Variants in NAV1 observed in about 807,000 individuals in gnomAD.
NAV1 encodes the protein neuron navigator 1, also known as pore membrane and/or filament interacting like protein 3.
Under a neutral mutation model 175.2 loss-of-function variants are expected in NAV1, and 18 were observed. The observed-to-expected ratio is 0.10, with a 90% CI of 0.07 to 0.15. NAV1 has a LOEUF of 0.15. Ranked by LOEUF, NAV1 falls within the 10% of genes least tolerant of loss-of-function variation. NAV1 has a pLI of 1.00. For synonymous variants in NAV1, 897 were observed against 978.7 expected (o/e 0.92, Z 1.56); for missense variants, 1,731 against 2,436.6 (o/e 0.71, Z 6.10).
intron 1 of NAV1, among the ~76,000 whole-genome samples, chr1:201,549,680 ACAGCCTGCC>A (rs1193036817): frequency 1.3e-5 from 2 of 149,432 alleles, no homozygotes; most frequent in South Asian, 2.2e-4. Flanking sequence ...TGGGCAGGTT[ACAGCCTGCC>A]CAGCAACCAC....
chr1:201,733,778 T>A (rs1672968380), intron 3 of NAV1, among the ~76,000 whole-genome samples: 1 of 152,128 alleles, frequency 6.6e-6, no homozygotes, highest in South Asian at 2.1e-4. Context: ...TTCAAGGAAC[T>A]GCAGGGAGGT....
At chr1:201,603,852 C>T (rs913218801) in intron 2 of NAV1, among the ~76,000 whole-genome samples, 25 of 152,184 alleles carry the variant, frequency 1.6e-4, no homozygotes, top group Admixed American at 1.6e-3. Context: ...GCATCGGGAA[C>T]AAGGTTCTTT....
At position 201,631,296 on chromosome 1, in the gene NAV1, C is replaced by G. The variant is rs2077133; in HGVS notation, c.4+1789C>G. 8.7e-4 allele frequency among the ~76,000 whole-genome samples: 132 copies of G among 152,272 alleles called. No individual in the cohort carries two copies. In the East Asian group the frequency reaches 0.023, roughly 26 times the overall value. The stretch of plus-strand genomic sequence containing the variant: ...CGGATTTGCCTGCCTTGTGGAAGAG[C>G]CTGCGCTCTTCTGAGCTTGAAGAAA... On this transcript the variant is annotated intron_variant, in intron 2 of 29. Coordinates refer to the NAV1 transcript ENST00000367302.
intron 1 of NAV1, among the ~76,000 whole-genome samples, chr1:201,659,531 G>T (rs181844924): frequency 2.4e-4 from 36 of 152,208 alleles, no homozygotes; most frequent in African/African-American, 8.7e-4. Flanking sequence ...TAGGTGGGAG[G>T]ATCACTTGAG....
intron 3 of NAV1, among the ~76,000 whole-genome samples, chr1:201,727,123 G>T (rs915227499): frequency 2.0e-5 from 3 of 152,100 alleles, no homozygotes; most frequent in Non-Finnish European, 2.9e-5. Flanking sequence ...ATACTCTTAC[G>T]TTAGATATCA....
chr1:201,727,880 T>C (rs1350235331), intron 3 of NAV1, among the ~76,000 whole-genome samples: 1 of 152,170 alleles, frequency 6.6e-6, no homozygotes, highest in African/African-American at 2.4e-5. Flanking sequence ...CTAGAGGGCA[T>C]TGGGTCTGCG....
chr1:201,660,110 C>G (rs897076898), intron 1 of NAV1, among the ~76,000 whole-genome samples: 1 of 152,152 alleles, frequency 6.6e-6, no homozygotes, highest in African/African-American at 2.4e-5. Flanking sequence ...GGAGCATTTA[C>G]AGCATGGCCT....
intron 1 of NAV1, among the ~76,000 whole-genome samples, chr1:201,557,902 G>C (rs540906036): frequency 2.0e-5 from 3 of 152,148 alleles, no homozygotes; most frequent in Non-Finnish European, 4.4e-5. Flanking sequence ...GTGCTGGGCG[G>C]TGACTGAGCT....
chr1:201,611,642 C>A (rs746275468), intron 2 of NAV1, among the ~76,000 whole-genome samples: 2 of 152,154 alleles, frequency 1.3e-5, no homozygotes, highest in African/African-American at 2.4e-5. Context: ...ATACCCTCAC[C>A]CTTAGCTCCA....
intron 1 of NAV1, among the ~76,000 whole-genome samples, chr1:201,568,792 G>A (rs1006378722): frequency 2.0e-5 from 3 of 152,142 alleles, no homozygotes; most frequent in Admixed American, 6.5e-5. Context: ...AGGGTCTCTC[G>A]GTCTTCAGGC....
chr1:201,810,189 C>T lies in NAV1; in HGVS notation c.4561+84C>T. ...AAATAATCCATCATGCATTCATTCACCAAGAACTCACTGAGAAGGTATAAT... is the reference window on the plus strand; with the variant it reads ...AAATAATCCATCATGCATTCATTCATCAAGAACTCACTGAGAAGGTATAAT... On this transcript the variant is annotated intron_variant, in intron 23 of 29. Coordinates refer to ENST00000367296, the Ensembl canonical transcript of NAV1. The surrounding 1 kb of genome is among the most constrained non-coding windows in gnomAD (Gnocchi z 6.0). 1 of 1,523,756 alleles carries T rather than the reference C, an allele frequency of 6.6e-7. No homozygotes were observed. 94.4% of individuals were successfully genotyped at this position (1,523,756 alleles called of 1,614,324 possible).
At position 201,808,879 on chromosome 1, in the gene NAV1, T is replaced by G; in HGVS notation, c.4207+8T>G. On this transcript the variant is annotated splice_region_variant and intron_variant, in intron 20 of 29. Coordinates refer to ENST00000367296, the Ensembl canonical transcript of NAV1. The surrounding 1 kb of genome is among the most constrained non-coding windows in gnomAD (Gnocchi z 5.5). ...CCAGTCTTGCAGACACAGGTACCTG[T>G]GTGGGAGAAGAATCTATAAGGGTGA... The G allele has an allele frequency of 6.2e-7, 1 of 1,608,102 alleles. No individual in the cohort carries two copies. Among genetic ancestry groups the G allele is most frequent in the Non-Finnish European group, 8.5e-7 (1 of 1,176,568 alleles).
intron 2 of NAV1, among the ~76,000 whole-genome samples, chr1:201,630,901 CCTAACCCAGCGCTCGTTCACG>C (rs1156482200): frequency 3.3e-5 from 5 of 152,222 alleles, no homozygotes; most frequent in Non-Finnish European, 7.3e-5. Flanking sequence ...TCTCCATGCA[CCTAACCCAGCGCTCGTTCACG>C]ATTATTATCC....
exon 5 of NAV1, chr1:201,781,074 A>G: frequency 1.2e-6 from 2 of 1,614,224 alleles, no homozygotes; most frequent in Non-Finnish European, 1.7e-6. Flanking sequence ...TTAGTGAATC[A>G]GAGGAGAAAG....
At position 201,649,044 on chromosome 1, in the gene NAV1, G is replaced by A. The variant is rs750081985; in HGVS notation, c.376G>A (p.Gly126Arg). Residue 126 changes from glycine to arginine, a missense_variant, in exon 1 of 30, where the codon GGG (glycine) becomes AGG (arginine). By Grantham distance (125) the Gly-to-Arg change is moderately radical (BLOSUM62 -2). Coordinates refer to ENST00000367296, the Ensembl canonical transcript of NAV1. Reference sequence around the variant, plus strand: ...GGCGCCCAAAGGCTTAGGCAAGGTGGGGTCCAAGGGCCGTGAAGCTCCGCT... The same window carrying A: ...GGCGCCCAAAGGCTTAGGCAAGGTGAGGTCCAAGGGCCGTGAAGCTCCGCT... 8 of 1,613,538 alleles carry A rather than the reference G, an allele frequency of 5.0e-6. No homozygotes were observed. The Admixed American group carries it at 1.3e-4, about 27-fold the overall frequency.
At chr1:201,625,294 A>G (rs1464705583) in intron 1 of NAV1, among the ~76,000 whole-genome samples, 1 of 152,244 alleles carries the variant, frequency 6.6e-6, no homozygotes, top group Non-Finnish European at 1.5e-5. Flanking sequence ...AATTAGATTT[A>G]CTTGGTGCAG....
chr1:201,541,211 C>T (rs1328726586), intron 1 of NAV1, among the ~76,000 whole-genome samples: 1 of 152,188 alleles, frequency 6.6e-6, no homozygotes, highest in East Asian at 1.9e-4. Flanking sequence ...CCTATCTGAC[C>T]ACCCACAACA....
rs192825273 is a variant in NAV1 at position 201,590,843 on chromosome 1, G to A, written c.-33+2194G>A. 2.3e-3 allele frequency among the ~76,000 whole-genome samples: 355 copies of A among 152,326 alleles called. 2 individuals carry two copies. The highest frequency in any genetic ancestry group is 8.2e-3 in the African/African-American group (342 of 41,568). ...GAATGGGGTGGGATAGGTGTTAGAA[G>A]GGCGGACTGTACCTCTGGTCCTGTT... On this transcript the variant is annotated intron_variant, in intron 2 of 33. Transcript: ENST00000685211.
At chr1:201,667,260 C>T (rs1221467135) in intron 1 of NAV1, among the ~76,000 whole-genome samples, 1 of 152,230 alleles carries the variant, frequency 6.6e-6, no homozygotes, top group African/African-American at 2.4e-5. Flanking sequence ...AAGCCATCCC[C>T]TTCCTTAGGC....
Sources: allele counts gnomAD v4.1 joint callset (sites outside exome capture counted in the v4.1 genomes callset), GRCh38; gene constraint gnomAD v4.1.1; non-coding constraint Gnocchi (gnomAD v3.1); transcripts MANE v1.5; gene names NCBI Gene and HGNC (gene_info 2026-07-23, HGNC 2026-07-21).